Variants in ITGB4 observed in about 807,000 individuals in gnomAD.
ITGB4 encodes the protein integrin subunit beta 4, also known as integrin beta-4.
Under a neutral mutation model 207.6 loss-of-function variants are expected in ITGB4, and 159 were observed. The observed-to-expected ratio is 0.77, with a 90% confidence interval of 0.67 to 0.87. The LOEUF (loss-of-function observed/expected upper bound fraction) is 0.87, where lower values mean the gene tolerates loss of function less well. Among genes scored for constraint, ITGB4 ranks in the 40% least tolerant of loss-of-function variants. The pLI is 0.00. For synonymous variants in ITGB4, 1,020 were observed against 1,062.7 expected (o/e 0.96, Z 0.78); for missense variants, 2,278 against 2,546.8 (o/e 0.89, Z 2.27).
chr17:75,746,548 G>A (rs2061237162), intron 26 of ITGB4, among the ~76,000 whole-genome samples: 1 of 151,576 alleles, frequency 6.6e-6, no homozygotes, highest in African/African-American at 2.4e-5. Context: ...ATTTTTAGTA[G>A]AGATAGGGTT....
At chr17:75,733,020 G>C (rs2060894726) in intron 12 of ITGB4, among the ~76,000 whole-genome samples, 1 of 151,994 alleles carries the variant, frequency 6.6e-6, no homozygotes, top group Non-Finnish European at 1.5e-5. Context: ...AGAAGGCGGA[G>C]GTTGCCGTGA....
chr17:75,756,626 C>T lies in ITGB4; in HGVS notation c.4897+9C>T, dbSNP rs759790375. On this transcript the variant is annotated intron_variant, in intron 36 of 39. Transcript: ENST00000200181. The stretch of plus-strand genomic sequence containing the variant: ...ACTGTGTCCCCTGCCAGGTGAGTTG[C>T]CTCCCCCAGCCCCAGAGCTGCCCCC... The T allele has an allele frequency of 6.2e-7, 1 of 1,612,662 alleles. No individual in the cohort carries two copies. Among genetic ancestry groups the T allele is most frequent in the Non-Finnish European group, 8.5e-7 (1 of 1,179,872 alleles).
rs1254440962 is a variant in ITGB4, at chr17:75,731,627, A to G, written c.1216-185A>G. Among the ~76,000 whole-genome samples the G allele has an allele frequency of 2.6e-5, 4 of 152,140 alleles. No individual in the cohort carries two copies. Among genetic ancestry groups the G allele is most frequent in the Admixed American group, 2.0e-4 (3 of 15,282 alleles). Reference sequence around the variant, plus strand: ...AAGCCCAGAGGCCCTGGCCACTGTCATTGTCGCTATGATTGTGACTGCGCT... The same window carrying G: ...AAGCCCAGAGGCCCTGGCCACTGTCGTTGTCGCTATGATTGTGACTGCGCT... On this transcript the variant is annotated intron_variant, in intron 10 of 39. Coordinates refer to ENST00000200181, the MANE Select transcript of ITGB4 (RefSeq NM_000213.5). The surrounding 1 kb of genome is among the most constrained non-coding windows in gnomAD (Gnocchi z 6.8).
Position 75,731,436 on chromosome 17 carries a change from A to T in ITGB4, c.1215+68A>T. The T allele has an allele frequency of 6.6e-7, 1 of 1,516,476 alleles. No individual in the cohort carries two copies. Among genetic ancestry groups the T allele is most frequent in the African/African-American group, 1.4e-5 (1 of 73,368 alleles). 93.9% of individuals were successfully genotyped at this position (1,516,476 alleles called of 1,614,324 possible). A position where few individuals can be genotyped will look rare whatever the true frequency, so the allele number is the denominator to read the frequency against. ...GCCCCACACCGAGTGGAATCGTTTAAAACAGCGGTCAAGAGCGTGGCCCCT... is the reference window on the plus strand; with the variant it reads ...GCCCCACACCGAGTGGAATCGTTTATAACAGCGGTCAAGAGCGTGGCCCCT... On this transcript the variant is annotated intron_variant, in intron 10 of 39. Coordinates refer to ENST00000200181, the MANE Select transcript of ITGB4 (RefSeq NM_000213.5). The surrounding 1 kb of genome is among the most constrained non-coding windows in gnomAD (Gnocchi z 6.8).
At chr17:75,751,168 G>A (rs1341011204) in intron 30 of ITGB4, 57 bp downstream of exon 30, 24 of 1,597,356 alleles carry the variant, frequency 1.5e-5, no homozygotes, top group Non-Finnish European at 2.6e-6. Context: ...GAAGGGGAGG[G>A]GACAAAGCTG....
At position 75,727,416 on chromosome 17, in the gene ITGB4, C is replaced by T. The variant is rs544136973; in HGVS notation, c.175C>T (p.Arg59Trp). Reference protein sequence around the residue: ...AYCTDEMFRDRRCNTQAELLA... With the variant: ...AYCTDEMFRDWRCNTQAELLA... ...TCCTTCTGGCCAGATGTTCAGGGAC[C>T]GGCGCTGCAACACCCAGGCGGAGCT... The change falls in exon 4 of 40, where the codon CGG becomes TGG. Residue 59 changes from arginine (R) to tryptophan (W), a missense_variant. By Grantham distance (101) the Arg-to-Trp change is moderately radical. Coordinates refer to ENST00000200181, the MANE Select transcript of ITGB4 (RefSeq NM_000213.5). The surrounding 1 kb of genome is among the most constrained non-coding windows in gnomAD (Gnocchi z 6.0). 45 of 1,614,000 alleles carry T rather than the reference C, an allele frequency of 2.8e-5. No homozygotes were observed. In the East Asian group the frequency reaches 5.8e-4, roughly 21 times the overall value.
Position 75,731,877 on chromosome 17 carries a change from G to A in ITGB4, c.1281G>A (p.Pro427=), listed in dbSNP as rs150638695. The change falls in exon 11 of 40, where the codon CCG becomes CCA. Residue 427 remains proline, a synonymous_variant. Transcript: ENST00000200181. The surrounding 1 kb of genome is among the most constrained non-coding windows in gnomAD (Gnocchi z 6.8). ...HVDGTHVCQL[P]EDQKGNIHLK... ...ATGGGACGCACGTGTGCCAGCTGCC[G>A]GAGGACCAGAAGGGCAACATCCATC... The A allele has an allele frequency of 5.4e-5, 87 of 1,613,720 alleles. No individual in the cohort carries two copies. In the African/African-American group the frequency reaches 8.5e-4, roughly 16 times the overall value.
In ITGB4 at chr17:75,748,846, C is replaced by T. The variant is rs373859028; in HGVS notation, c.3117C>T (p.Tyr1039=). ...QDGTAQGNRD[Y]IPVEGELLFQ... is the part of the protein sequence containing the mutation. Reference sequence around the variant, plus strand: ...CTGACCCCCTCCACTCCCAGGACTACATCCCCGTGGAGGGTGAGCTGCTGT... The same window carrying T: ...CTGACCCCCTCCACTCCCAGGACTATATCCCCGTGGAGGGTGAGCTGCTGT... The change falls in exon 27 of 40, where the codon TAC becomes TAT. Residue 1039 remains tyrosine, a synonymous_variant. Transcript: ENST00000200181. The T allele has an allele frequency of 9.3e-6, 15 of 1,609,254 alleles. No homozygotes were observed. Among genetic ancestry groups the T allele is most frequent in the Non-Finnish European group, 1.3e-5 (15 of 1,178,420 alleles).
chr17:75,740,747 A>C lies in ITGB4; in HGVS notation c.2551-46A>C. ...TGGGTCCCCAGCCTGAGGGCTTGCC[A>C]CGGGGTGGCCTAGGCCCAGCCTCAC... On this transcript the variant is annotated intron_variant, in intron 21 of 39. Coordinates refer to ENST00000200181, the MANE Select transcript of ITGB4 (RefSeq NM_000213.5). The surrounding 1 kb of genome is among the most constrained non-coding windows in gnomAD (Gnocchi z 5.9). 1 of 1,605,818 alleles carries C rather than the reference A, an allele frequency of 6.2e-7. No homozygotes were observed. The highest frequency in any genetic ancestry group is 2.2e-5 in the East Asian group (1 of 44,826).
chr17:75,730,139 C>T (rs2060817594), intron 7 of ITGB4, 102 bp from the exon 8 acceptor site: 2 of 1,511,586 alleles, frequency 1.3e-6, no homozygotes, highest in Non-Finnish European at 1.8e-6. Flanking sequence ...TGGCTTAAGC[C>T]CAGCCCCATG....
chr17:75,756,810 T>C lies in ITGB4; in HGVS notation c.5004T>C (p.Asn1668=). The change falls in exon 37 of 40, where the codon AAT becomes AAC. Residue 1668 remains asparagine, a synonymous_variant. Coordinates refer to ENST00000200181, the MANE Select transcript of ITGB4 (RefSeq NM_000213.5). The stretch of plus-strand genomic sequence containing the variant: ...GCTGGGAGCGGCCACGGAGGCCCAA[T>C]GGGGATATCGTCGGCTACCTGGTGA... ...QLSWERPRRP[N]GDIVGYLVTC... is the part of the protein sequence containing the mutation. 6.2e-7 allele frequency: 1 copy of C among 1,612,362 alleles called. No homozygotes were observed.
rs538635871 is a variant in ITGB4, at chr17:75,733,595, C to T, written c.1560C>T (p.Cys520=). ...KPCSGRGECQ[C]GHCVCYGEGR... ...GCTCCGGCCGTGGGGAGTGCCAGTG[C>T]GGGCACTGTGTGTGCTACGGCGAAG... Residue 520 remains cysteine, a synonymous_variant, in exon 13 of 40, where the codon TGC becomes TGT. Transcript: ENST00000200181. 6.8e-6 allele frequency: 11 copies of T among 1,614,110 alleles called. No individual in the cohort carries two copies. Among genetic ancestry groups the T allele is most frequent in the East Asian group, 4.5e-5 (2 of 44,890 alleles).
chr17:75,746,849 A>G (rs1051103321), intron 26 of ITGB4, among the ~76,000 whole-genome samples: 2 of 149,248 alleles, frequency 1.3e-5, no homozygotes, highest in Non-Finnish European at 3.0e-5. Context: ...GCTGAGGTAG[A>G]GCCCAGTAGG....
Position 75,737,609 on chromosome 17 carries a change from C to G in ITGB4, c.2185C>G (p.Leu729Val). 1 of 1,613,368 alleles carries G rather than the reference C, an allele frequency of 6.2e-7. No homozygotes were observed. The highest frequency in any genetic ancestry group is 1.3e-5 in the African/African-American group (1 of 75,004). The change falls in exon 18 of 40, where the codon CTG (leucine) becomes GTG (valine). Residue 729 changes from leucine to valine, a missense_variant. Coordinates refer to ENST00000200181, the MANE Select transcript of ITGB4 (RefSeq NM_000213.5). ...CCTCCTGCCGCTCCTGGCCCTGCTA[C>G]TGCTGCTATGCTGGAAGTACTGTGC... ...LLLLPLLALL[L>V]LLCWKYCACC...
chr17:75,723,069 G>A (rs951445617), intron 1 of ITGB4, among the ~76,000 whole-genome samples: 1 of 152,106 alleles, frequency 6.6e-6, no homozygotes, highest in Non-Finnish European at 1.5e-5. Context: ...TGGGTGCCTC[G>A]CCAACCCTCT....
rs933584001 is a variant in ITGB4, at chr17:75,751,019, C to T, written c.3701C>T (p.Thr1234Met). The T allele has an allele frequency of 2.0e-5, 32 of 1,613,762 alleles. No homozygotes were observed. Among genetic ancestry groups the T allele is most frequent in the Non-Finnish European group, 2.2e-5 (26 of 1,180,046 alleles). ...GRLAFNVVSSTVTQLSWAEPA... is the reference protein window; with the variant it reads ...GRLAFNVVSSMVTQLSWAEPA... ...CTGGCCTTCAATGTCGTCTCCTCCA[C>T]GGTGACCCAGCTGAGCTGGGCTGAG... Residue 1234 changes from threonine to methionine, a missense_variant, in exon 30 of 40, where the codon ACG becomes ATG. Coordinates refer to ENST00000200181, the MANE Select transcript of ITGB4 (RefSeq NM_000213.5).
Position 75,730,405 on chromosome 17 carries a change from A to C in ITGB4, c.903A>C (p.Thr301=), listed in dbSNP as rs1383766297. 1 of 1,614,060 alleles carries C rather than the reference A, an allele frequency of 6.2e-7. No individual in the cohort carries two copies. The change falls in exon 8 of 40, where the codon ACA becomes ACC. Residue 301 remains threonine, a synonymous_variant. Coordinates refer to ENST00000200181, the MANE Select transcript of ITGB4 (RefSeq NM_000213.5). ...DTTGTYTQYR[T]QDYPSVPTLV... ...CGGGCACCTACACCCAGTACAGGAC[A>C]CAGGACTACCCGTCGGTGCCCACCC...
chr17:75,756,436 G>A lies in ITGB4; in HGVS notation c.4716G>A (p.Leu1572=). The A allele has an allele frequency of 6.2e-7, 1 of 1,613,264 alleles. No homozygotes were observed. Among genetic ancestry groups the A allele is most frequent in the Non-Finnish European group, 8.5e-7 (1 of 1,179,984 alleles). Reference sequence around the variant, plus strand: ...CCCACCTGATCCCCCCAGGTGAGCTGCATCGGCTCAACATCCCCAACCCTG... The same window carrying A: ...CCCACCTGATCCCCCCAGGTGAGCTACATCGGCTCAACATCCCCAACCCTG... ...VEYQLLNGGE[L]HRLNIPNPAQ... Residue 1572 remains leucine (L), a synonymous_variant, in exon 36 of 40, where the codon CTG becomes CTA. Transcript: ENST00000200181.
chr17:75,740,272 A>G lies in ITGB4; in HGVS notation c.2447-86A>G, dbSNP rs531387067. ...TGGCCAGGCATCCCCTGATCCTAGC[A>G]TGGTTGCTGGAGGGATGCTCTGTGG... On this transcript the variant is annotated intron_variant, in intron 20 of 39. Coordinates refer to ENST00000200181, the MANE Select transcript of ITGB4 (RefSeq NM_000213.5). This position sits in a 1 kb window ranked among gnomAD's most constrained non-coding sequence, Gnocchi z 5.9. 825 of 1,338,026 alleles carry G rather than the reference A, an allele frequency of 6.2e-4. 8 individuals carry two copies. In the Middle Eastern group the frequency reaches 7.1e-3, roughly 11 times the overall value. 82.9% of individuals were successfully genotyped at this position (1,338,026 alleles called of 1,614,324 possible).
Sources: allele counts gnomAD v4.1 joint callset (sites outside exome capture counted in the v4.1 genomes callset), GRCh38; gene constraint gnomAD v4.1.1; non-coding constraint Gnocchi (gnomAD v3.1); transcripts MANE v1.5; gene names NCBI Gene and HGNC (gene_info 2026-07-23, HGNC 2026-07-21).